Variants in CCDC9 observed in about 807,000 individuals in gnomAD.
CCDC9 encodes the protein coiled-coil domain containing 9.
In CCDC9, 52 loss-of-function variants were observed where a neutral mutation model predicts 65.6. That is an observed-to-expected ratio of 0.79 (90% CI 0.63 to 1.00). The LOEUF (loss-of-function observed/expected upper bound fraction) is 1.00, where lower values mean the gene tolerates loss of function less well. Among genes scored for constraint, CCDC9 ranks in the 50% least tolerant of loss-of-function variants. The probability of loss-of-function intolerance (pLI) is 0.00; values close to 1 mark genes in which losing one functional copy is unlikely to be tolerated. For missense variants in CCDC9, 834 were observed against 757.2 expected, an observed-to-expected ratio of 1.10 and a Z score of -1.19; for synonymous variants, 332 against 280.3, an observed-to-expected ratio of 1.18 and a Z score of -1.84.
downstream of CCDC9, chr19:47,275,610 A>T: frequency 1.9e-6 from 1 of 520,122 alleles, no homozygotes; most frequent in Non-Finnish European, 3.4e-6. Flanking sequence ...CTGCTGTGGG[A>T]TGCTGAGCAC....
intron 10 of CCDC9, 90 bp from the exon 11 acceptor site, chr19:47,270,992 C>A (rs2059112741): frequency 4.2e-6 from 4 of 956,916 alleles, no homozygotes; most frequent in Admixed American, 2.8e-5. Flanking sequence ...ATGCTCTGGG[C>A]AGCTCCTCCC....
chr19:47,274,898 C>G (rs1177384332), downstream of CCDC9: 2 of 1,254,904 alleles, frequency 1.6e-6, no homozygotes, highest in African/African-American at 1.7e-5. Context: ...GTCTGCGGCG[C>G]GGAGCCGAGT....
Position 47,260,781 on chromosome 19 carries a change from G to A in CCDC9, c.404G>A (p.Arg135Gln), listed in dbSNP as rs779041095. ...AGGRGRRGRG[R>Q]GSPHLSGAGD... ...GGCCGTGGCCGGAGGGGCCGGGGCC[G>A]AGGTTCACCTCACCTCTCTGGAGCT... is the stretch of plus-strand genomic sequence containing the variant. The change falls in exon 5 of 12, where the codon CGA becomes CAA. Residue 135 changes from arginine (R) to glutamine (Q), a missense_variant. By Grantham distance (43) the Arg-to-Gln change is conservative. Transcript: ENST00000221922. The A allele has an allele frequency of 2.6e-5, 42 of 1,613,044 alleles. No individual in the cohort carries two copies. The highest frequency in any genetic ancestry group is 6.7e-5 in the Admixed American group (4 of 59,768).
chr19:47,272,696 G>A (rs1157824596), downstream of CCDC9, among the ~76,000 whole-genome samples: 1 of 152,204 alleles, frequency 6.6e-6, no homozygotes, highest in African/African-American at 2.4e-5. Context: ...GGCTCGAAAA[G>A]GCCAAAGAGA....
chr19:47,264,023 C>CAT, intron 5 of CCDC9, among the ~76,000 whole-genome samples: 1 of 151,050 alleles, frequency 6.6e-6, no homozygotes, highest in East Asian at 1.9e-4. Context: ...GGATTACAGG[C>CAT]GCCCACCACC....
At chr19:47,273,948 C>T (rs1193829080), downstream of CCDC9, 2 of 982,536 alleles carry the variant, frequency 2.0e-6, no homozygotes, top group African/African-American at 1.7e-5. Flanking sequence ...GATCCGTCTT[C>T]CCTCCCCCCT....
intron 5 of CCDC9, among the ~76,000 whole-genome samples, chr19:47,262,513 G>A (rs1368356647): frequency 2.6e-5 from 4 of 151,992 alleles, no homozygotes; most frequent in African/African-American, 7.2e-5. Flanking sequence ...TGCTGCGCCC[G>A]GCCTGGTTCC....
intron 1 of CCDC9, among the ~76,000 whole-genome samples, chr19:47,257,349 C>T (rs1313515929): frequency 7.0e-6 from 1 of 142,812 alleles, no homozygotes; most frequent in African/African-American, 2.6e-5. Context: ...AGGCTGTTGC[C>T]TGCGAGCCAG....
chr19:47,274,891 T>G (rs1297539303), downstream of CCDC9: 1 of 1,205,170 alleles, frequency 8.3e-7, no homozygotes. Flanking sequence ...CTGTGCGGTC[T>G]GCGGCGCGGA....
intron 8 of CCDC9, 143 bp from the exon 9 acceptor site, chr19:47,270,264 C>G: frequency 1.3e-6 from 1 of 769,276 alleles, no homozygotes; most frequent in Middle Eastern, 2.6e-4. Context: ...CCACCATGCC[C>G]GGCCCTGTCC....
At chr19:47,275,434 G>T, downstream of CCDC9, 1 of 1,444,176 alleles carries the variant, frequency 6.9e-7, no homozygotes, top group Middle Eastern at 1.9e-4. Context: ...GATTGGTCCG[G>T]CCTTCTTCCT....
chr19:47,261,617 C>T lies in CCDC9; in HGVS notation c.462+778C>T, dbSNP rs572855251. Reference sequence around the variant, plus strand: ...ATCCCAGCTACTTGGGAGGCTGAGGCAGGAGGATCACTTAAACCTGGGAGG... The same window carrying T: ...ATCCCAGCTACTTGGGAGGCTGAGGTAGGAGGATCACTTAAACCTGGGAGG... On this transcript the variant is annotated intron_variant, in intron 5 of 11. Transcript: ENST00000221922. Among the ~76,000 whole-genome samples the T allele has an allele frequency of 4.1e-5, 6 of 147,824 alleles. No individual in the cohort carries two copies. In the East Asian group the frequency reaches 1.2e-3, roughly 30 times the overall value.
At chr19:47,261,539 C>T (rs1383190504) in intron 5 of CCDC9, among the ~76,000 whole-genome samples, 1 of 151,932 alleles carries the variant, frequency 6.6e-6, no homozygotes. Flanking sequence ...CTAGCACTTA[C>T]ACGGGAATAA....
chr19:47,274,854 G>A, downstream of CCDC9: 2 of 1,106,768 alleles, frequency 1.8e-6, no homozygotes, highest in Non-Finnish European at 2.2e-6. Flanking sequence ...TCTGCGGGGT[G>A]GGGGCGGGGC....
At chr19:47,271,057 T>C in intron 10 of CCDC9, 25 bp from the exon 11 acceptor site, 1 of 1,502,428 alleles carries the variant, frequency 6.7e-7, no homozygotes, top group Non-Finnish European at 9.0e-7. Flanking sequence ...CACCCAGGCA[T>C]CACCCCTCCC....
chr19:47,272,512 C>T (rs1333629685), downstream of CCDC9, among the ~76,000 whole-genome samples: 1 of 152,020 alleles, frequency 6.6e-6, no homozygotes, highest in African/African-American at 2.4e-5. Flanking sequence ...CCTGTAATCC[C>T]AGCTAATTGG....
At chr19:47,270,764 A>G in intron 10 of CCDC9, 76 bp downstream of exon 10, 1 of 1,446,934 alleles carries the variant, frequency 6.9e-7, no homozygotes, top group East Asian at 2.5e-5. Flanking sequence ...CTTGCTGTGA[A>G]GGTGTGGGTA....
intron 2 of CCDC9, 76 bp downstream of exon 2, chr19:47,258,479 A>C: frequency 6.3e-7 from 1 of 1,599,332 alleles, no homozygotes; most frequent in Non-Finnish European, 8.6e-7. Context: ...CCATAGGGGC[A>C]GACTCTCAGA....
downstream of CCDC9, chr19:47,275,540 G>T (rs1600299526): frequency 1.6e-5 from 11 of 707,090 alleles, no homozygotes; most frequent in South Asian, 2.3e-4. Flanking sequence ...CTACTCTGTG[G>T]TCAGGCCGGG....
Sources: allele counts gnomAD v4.1 joint callset (sites outside exome capture counted in the v4.1 genomes callset), GRCh38; gene constraint gnomAD v4.1.1; transcripts MANE v1.5; gene names NCBI Gene and HGNC (gene_info 2026-07-23, HGNC 2026-07-21).